The following PRDM11 variants were observed in gnomAD, a reference collection of about 807,000 sequenced individuals.
PRDM11 encodes the protein PR/SET domain 11.
A neutral mutation model predicts 97.8 loss-of-function variants in PRDM11; 20 were observed. The ratio of observed to expected loss-of-function variants is 0.20; its 90% CI spans 0.14 to 0.30. PRDM11 has a LOEUF of 0.30. Ranked by LOEUF, PRDM11 falls within the 10% of genes least tolerant of loss-of-function variation. PRDM11 has a pLI of 1.00. For missense variants in PRDM11, 1,139 were observed against 1,555.2 expected, an observed-to-expected ratio of 0.73 and a Z score of 4.50; for synonymous variants, 599 against 637.7, an observed-to-expected ratio of 0.94 and a Z score of 0.91.
intron 1 of PRDM11, among the ~76,000 whole-genome samples, chr11:45,179,021 G>A (rs1226644364): frequency 1.4e-4 from 22 of 152,178 alleles, no homozygotes; most frequent in Admixed American, 1.4e-3. Context: ...GTTGGAGGGG[G>A]GCAGTGAGGT....
At chr11:45,144,036 C>G (rs1318286115), upstream of PRDM11, among the ~76,000 whole-genome samples, 1 of 152,176 alleles carries the variant, frequency 6.6e-6, no homozygotes, top group Non-Finnish European at 1.5e-5. Context: ...ACTTTCTGCC[C>G]ACATTGACCC....
intron 1 of PRDM11, among the ~76,000 whole-genome samples, chr11:45,126,226 G>A (rs61880288): frequency 6.6e-6 from 1 of 151,974 alleles, no homozygotes; most frequent in Non-Finnish European, 1.5e-5. Flanking sequence ...GAGCCTATGT[G>A]TGTCTCTGCT....
intron 1 of PRDM11, among the ~76,000 whole-genome samples, chr11:45,105,343 C>T (rs1009241310): frequency 2.0e-5 from 3 of 152,204 alleles, no homozygotes; most frequent in Admixed American, 6.5e-5. Flanking sequence ...TACCTAAGGC[C>T]ACCCAACTGG....
chr11:45,168,462 G>T (rs1487953825), intron 1 of PRDM11, among the ~76,000 whole-genome samples: 1 of 152,202 alleles, frequency 6.6e-6, no homozygotes. Flanking sequence ...AGAAGGGTAG[G>T]GGCTGCCTGC....
chr11:45,099,138 C>CT (rs1328723911), intron 1 of PRDM11, among the ~76,000 whole-genome samples: 1 of 152,064 alleles, frequency 6.6e-6, no homozygotes, highest in Non-Finnish European at 1.5e-5. Context: ...CACGCGATGC[C>CT]TGATGGCCTT....
upstream of PRDM11, among the ~76,000 whole-genome samples, chr11:45,141,777 A>G (rs1186318729): frequency 6.6e-6 from 1 of 152,196 alleles, no homozygotes; most frequent in Non-Finnish European, 1.5e-5. Context: ...AGGACTGTCC[A>G]TGATCCATGC....
At position 45,227,046 on chromosome 11, in the gene PRDM11, C is replaced by T. The variant is rs1206116016; in HGVS notation, c.2421C>T (p.Ser807=). The change falls in exon 8 of 8, where the codon TCC becomes TCT. Residue 807 remains serine, a synonymous_variant. Coordinates refer to ENST00000683152, the MANE Select transcript of PRDM11 (RefSeq NM_001384648.1). The surrounding 1 kb of genome is among the most constrained non-coding windows in gnomAD (Gnocchi z 8.0). Reference sequence around the variant, plus strand: ...CGCGCCTCATGTGCGAGCTGCGGTCCACGGCGGCCACCCTTTGTGAGGAGA... The same window carrying T: ...CGCGCCTCATGTGCGAGCTGCGGTCTACGGCGGCCACCCTTTGTGAGGAGA... The part of the protein sequence containing the change: ...YSPRLMCELR[S]TAATLCEETE... The T allele has an allele frequency of 1.3e-6, 2 of 1,533,938 alleles. No homozygotes were observed. The highest frequency in any genetic ancestry group is 1.7e-6 in the Non-Finnish European group (2 of 1,146,736).
At chr11:45,220,718 C>A (rs1854096309) in intron 6 of PRDM11, among the ~76,000 whole-genome samples, 1 of 152,176 alleles carries the variant, frequency 6.6e-6, no homozygotes, top group South Asian at 2.1e-4. Context: ...AAAACAATCT[C>A]TATCAAAAGA....
chr11:45,182,793 A>G (rs1590413910), intron 3 of PRDM11, 68 bp from the exon 4 acceptor site: 1 of 1,486,676 alleles, frequency 6.7e-7, no homozygotes, highest in Non-Finnish European at 9.0e-7. Flanking sequence ...CAGCCCCTCT[A>G]CCTCCCCCAT....
At position 45,110,202 on chromosome 11, in the gene PRDM11, CG is replaced by C. The variant is rs1475935057; in HGVS notation, c.96+14305del. Among the ~76,000 whole-genome samples the C allele has an allele frequency of 5.9e-5, 9 of 152,294 alleles. No homozygotes were observed. The South Asian group carries it at 6.2e-4, about 11-fold the overall frequency. Reference sequence around the variant, plus strand: ...GAATTTTTCATCTCCTTTCTTGGATCGGGGTGGCTTTTATTTTTCTTCCAAG... The same window carrying C: ...GAATTTTTCATCTCCTTTCTTGGATCGGGTGGCTTTTATTTTTCTTCCAAG... On this transcript the variant is annotated intron_variant, in intron 1 of 6. Transcript: ENST00000530656.
intron 1 of PRDM11, among the ~76,000 whole-genome samples, chr11:45,138,139 G>A (rs187981780): frequency 2.8e-4 from 42 of 152,284 alleles, no homozygotes; most frequent in African/African-American, 9.9e-4. Flanking sequence ...AGGATCACCA[G>A]ATATTTGAAG....
intron 1 of PRDM11, among the ~76,000 whole-genome samples, chr11:45,135,540 T>C (rs1265545941): frequency 1.3e-5 from 2 of 152,192 alleles, no homozygotes; most frequent in East Asian, 1.9e-4. Flanking sequence ...AGAAAATAAA[T>C]GTAGTTGAAA....
At chr11:45,204,985 G>T (rs535421331) in intron 5 of PRDM11, among the ~76,000 whole-genome samples, 7 of 152,162 alleles carry the variant, frequency 4.6e-5, no homozygotes, top group Non-Finnish European at 8.8e-5. Flanking sequence ...TGGTCAGGCC[G>T]TTGGGATGCA....
chr11:45,100,570 C>A (rs549014594), intron 1 of PRDM11, among the ~76,000 whole-genome samples: 2 of 152,338 alleles, frequency 1.3e-5, no homozygotes, highest in Admixed American at 1.3e-4. Flanking sequence ...TCTGCTGCTG[C>A]TGATTGGCTG....
chr11:45,119,619 C>CAAAAAAAAAAAA (rs56367204), intron 1 of PRDM11, among the ~76,000 whole-genome samples: 4 of 43,060 alleles, frequency 9.3e-5, no homozygotes, highest in African/African-American at 4.0e-4. Flanking sequence ...GATTCTGTCT[C>CAAAAAAAAAAAA]AAAAAAAAAA....
intron 4 of PRDM11, among the ~76,000 whole-genome samples, chr11:45,191,375 G>A (rs949585227): frequency 6.6e-6 from 1 of 151,852 alleles, no homozygotes; most frequent in African/African-American, 2.4e-5. Flanking sequence ...TATTATTCAT[G>A]GTTAAAATGA....
At chr11:45,114,026 G>C (rs1852249480) in intron 1 of PRDM11, among the ~76,000 whole-genome samples, 1 of 151,846 alleles carries the variant, frequency 6.6e-6, no homozygotes. Context: ...TTGTCTGGTT[G>C]CTCTGGCCAG....
chr11:45,160,919 G>T (rs1851912073), intron 1 of PRDM11, among the ~76,000 whole-genome samples: 1 of 152,142 alleles, frequency 6.6e-6, no homozygotes, highest in African/African-American at 2.4e-5. Flanking sequence ...GTGGCCCCTG[G>T]AGCCTTCTTT....
intron 1 of PRDM11, among the ~76,000 whole-genome samples, chr11:45,169,860 C>T (rs1440291768): frequency 2.0e-5 from 3 of 152,224 alleles, no homozygotes; most frequent in African/African-American, 4.8e-5. Context: ...TGTTTCACCA[C>T]CAAATGAGTA....
Sources: allele counts gnomAD v4.1 joint callset (sites outside exome capture counted in the v4.1 genomes callset), GRCh38; gene constraint gnomAD v4.1.1; non-coding constraint Gnocchi (gnomAD v3.1); transcripts MANE v1.5; gene names NCBI Gene and HGNC (gene_info 2026-07-23, HGNC 2026-07-21).